Variants in CDH8 observed in about 807,000 individuals in gnomAD.
The protein encoded by CDH8 is cadherin-8.
A neutral mutation model predicts 68.1 loss-of-function variants in CDH8; 17 were observed. The observed-to-expected ratio is 0.25, with a 90% CI of 0.17 to 0.37. The LOEUF (loss-of-function observed/expected upper bound fraction) is 0.37. Among genes scored for constraint, CDH8 ranks in the 10% least tolerant of loss-of-function variants. The pLI is 1.00. For synonymous variants in CDH8, 372 were observed against 365.1 expected (o/e 1.02, Z -0.21); for missense variants, 763 against 999.3 (o/e 0.76, Z 3.19).
intron 1 of CDH8, among the ~76,000 whole-genome samples, chr16:62,022,954 C>G (rs912635116): frequency 2.6e-5 from 4 of 152,108 alleles, no homozygotes; most frequent in Admixed American, 6.5e-5. Flanking sequence ...GGAGCCACAG[C>G]AAGCAGCAGT....
chr16:61,880,727 T>G (rs1281239617), intron 3 of CDH8, among the ~76,000 whole-genome samples: 2 of 152,184 alleles, frequency 1.3e-5, no homozygotes, highest in Non-Finnish European at 1.5e-5. Flanking sequence ...CCATTCTTGC[T>G]ACTGTGGAAC....
At chr16:61,869,930 A>C (rs1963325517) in intron 3 of CDH8, among the ~76,000 whole-genome samples, 1 of 152,228 alleles carries the variant, frequency 6.6e-6, no homozygotes, top group African/African-American at 2.4e-5. Context: ...AAAAGACCAT[A>C]TACATTTTCT....
intron 2 of CDH8, among the ~76,000 whole-genome samples, chr16:61,999,122 A>G (rs2150595120): frequency 6.6e-6 from 1 of 152,342 alleles, no homozygotes; most frequent in African/African-American, 2.4e-5. Flanking sequence ...AAGGATAATA[A>G]AGAGAGTAGC....
chr16:61,904,334 C>T (rs1964029146), intron 2 of CDH8, among the ~76,000 whole-genome samples: 2 of 152,266 alleles, frequency 1.3e-5, no homozygotes, highest in Admixed American at 1.3e-4. Context: ...TTAAATGCAA[C>T]AACACTGCCT....
intron 4 of CDH8, among the ~76,000 whole-genome samples, chr16:61,830,655 C>T (rs1315991300): frequency 2.0e-5 from 3 of 151,758 alleles, no homozygotes; most frequent in African/African-American, 7.3e-5. Flanking sequence ...ATTCTCAACA[C>T]TCAGCAACAT....
chr16:61,927,136 C>G (rs1032688887), intron 2 of CDH8, among the ~76,000 whole-genome samples: 2 of 152,148 alleles, frequency 1.3e-5, no homozygotes, highest in Non-Finnish European at 2.9e-5. Flanking sequence ...AGTCCTCAAC[C>G]CCAATCCCAG....
chr16:61,809,101 G>A (rs904925635), intron 7 of CDH8, among the ~76,000 whole-genome samples: 5 of 151,918 alleles, frequency 3.3e-5, no homozygotes, highest in South Asian at 2.1e-4. Context: ...CAGGAGAATC[G>A]CTTGAACCCG....
intron 2 of CDH8, among the ~76,000 whole-genome samples, chr16:61,929,002 G>A (rs145836212): frequency 1.2e-4 from 18 of 151,486 alleles, no homozygotes; most frequent in East Asian, 5.9e-4. Flanking sequence ...TCTGCCTCCC[G>A]GGTTCACGCC....
At chr16:61,715,420 G>A (rs1293444692) in intron 9 of CDH8, among the ~76,000 whole-genome samples, 1 of 151,468 alleles carries the variant, frequency 6.6e-6, no homozygotes, top group Non-Finnish European at 1.5e-5. Flanking sequence ...TCAATTTCTT[G>A]TATGCCAGAA....
chr16:61,705,864 T>C (rs1964519035), intron 10 of CDH8, among the ~76,000 whole-genome samples: 1 of 152,218 alleles, frequency 6.6e-6, no homozygotes, highest in African/African-American at 2.4e-5. Context: ...CATTGTAAAT[T>C]ATAGTTTCCT....
intron 2 of CDH8, among the ~76,000 whole-genome samples, chr16:61,973,880 A>C (rs1306415697): frequency 2.0e-5 from 3 of 152,164 alleles, no homozygotes; most frequent in Non-Finnish European, 4.4e-5. Context: ...TCCCATCTCA[A>C]ATAATTGAAA....
chr16:61,851,765 C>T (rs1263874502), intron 4 of CDH8, among the ~76,000 whole-genome samples: 2 of 151,994 alleles, frequency 1.3e-5, no homozygotes, highest in Admixed American at 6.6e-5. Flanking sequence ...ATTACTACTG[C>T]CTTCCATTTT....
At chr16:61,749,953 T>C (rs1960116698) in intron 8 of CDH8, among the ~76,000 whole-genome samples, 1 of 152,090 alleles carries the variant, frequency 6.6e-6, no homozygotes. Flanking sequence ...TGCAGGCTTG[T>C]TACCTGGGTA....
At chr16:61,832,203 T>C (rs1015697518) in intron 4 of CDH8, among the ~76,000 whole-genome samples, 1 of 151,704 alleles carries the variant, frequency 6.6e-6, no homozygotes, top group African/African-American at 2.4e-5. Flanking sequence ...ATGAAACACT[T>C]AGATAAACAC....
intron 2 of CDH8, among the ~76,000 whole-genome samples, chr16:61,921,032 C>G (rs1351404582): frequency 3.4e-5 from 5 of 146,006 alleles, no homozygotes; most frequent in East Asian, 4.1e-4. Context: ...CATATTCTCA[C>G]TCGTAGGTGG....
intron 2 of CDH8, among the ~76,000 whole-genome samples, chr16:61,987,933 A>G (rs535857148): frequency 4.4e-4 from 67 of 152,252 alleles, no homozygotes; most frequent in African/African-American, 1.4e-3. Flanking sequence ...TAACTTCCCA[A>G]ATAGGGAAAG....
At chr16:62,002,079 C>T (rs1455877911) in intron 2 of CDH8, among the ~76,000 whole-genome samples, 2 of 152,050 alleles carry the variant, frequency 1.3e-5, no homozygotes, top group Admixed American at 1.3e-4. Context: ...TCAGCAAAGA[C>T]CCTGGAACAT....
intron 8 of CDH8, among the ~76,000 whole-genome samples, chr16:61,771,939 A>C (rs78489366): frequency 0.036 from 5,405 of 152,014 alleles, 309 homozygotes; most frequent in East Asian, 0.24. Context: ...TCTCCAGCCT[A>C]ATGTTACTCA....
At position 61,652,330 on chromosome 16, in the gene CDH8, T is replaced by TG; in HGVS notation, c.*1277dup. On this transcript the variant is annotated 3_prime_UTR_variant, in exon 12 of 12. Coordinates refer to ENST00000577390, the MANE Select transcript of CDH8 (RefSeq NM_001796.5). Reference sequence around the variant, plus strand: ...CAAATCAGTTCCTGCTCTAAAACTGTGGGGGTAAATTGAAGCATGTTTATT... The same window carrying TG: ...CAAATCAGTTCCTGCTCTAAAACTGTGGGGGGTAAATTGAAGCATGTTTATT... 7.1e-6 allele frequency: 7 copies of TG among 984,710 alleles called. No homozygotes were observed. Among genetic ancestry groups the TG allele is most frequent in the Non-Finnish European group, 8.4e-6 (7 of 829,416 alleles). The allele number at this position is 984,710 out of a possible 1,614,324, so 61.0% of individuals were successfully genotyped here.
Sources: allele counts gnomAD v4.1 joint callset (sites outside exome capture counted in the v4.1 genomes callset), GRCh38; gene constraint gnomAD v4.1.1; transcripts MANE v1.5; gene names NCBI Gene and HGNC (gene_info 2026-07-23, HGNC 2026-07-21).